SNX29: variants seen among roughly 807,000 people sequenced by gnomAD.
SNX29 encodes the protein sorting nexin 29, also known as sorting nexin-29.
A neutral mutation model predicts 102.1 loss-of-function variants in SNX29; 78 were observed. The observed-to-expected ratio is 0.76, with a 90% CI of 0.64 to 0.92. SNX29 has a LOEUF of 0.92. Ranked by LOEUF, SNX29 falls within the 40% of genes least tolerant of loss-of-function variation. The probability of loss-of-function intolerance (pLI) is 0.00; values close to 1 mark genes in which losing one functional copy is unlikely to be tolerated. For synonymous variants in SNX29, 580 were observed against 414.5 expected, an observed-to-expected ratio of 1.40 and a Z score of -4.85; for missense variants, 1,280 against 1,061.7, an observed-to-expected ratio of 1.21 and a Z score of -2.86.
intron 19 of SNX29, among the ~76,000 whole-genome samples, chr16:12,520,995 T>C (rs1191876715): frequency 6.6e-6 from 1 of 151,932 alleles, no homozygotes; most frequent in Admixed American, 6.6e-5. Flanking sequence ...AGTCAGGAGT[T>C]CGAGAACAGT....
At chr16:12,101,185 C>T (rs1309737485) in intron 11 of SNX29, among the ~76,000 whole-genome samples, 1 of 152,078 alleles carries the variant, frequency 6.6e-6, no homozygotes, top group African/African-American at 2.4e-5. Context: ...CGTGCGCATC[C>T]TGAGCATCCT....
intron 14 of SNX29, 44 bp from the exon 15 acceptor site, chr16:12,277,889 C>T (rs760601865): frequency 1.1e-4 from 174 of 1,516,366 alleles, no homozygotes; most frequent in Non-Finnish European, 1.5e-4. Context: ...GAATAATTTT[C>T]GATACTGTTG....
chr16:12,091,775 C>CAAAAAA (rs71408236), intron 11 of SNX29, among the ~76,000 whole-genome samples: 1 of 93,960 alleles, frequency 1.1e-5, no homozygotes, highest in Admixed American at 1.2e-4. Context: ...AGATCCTTCT[C>CAAAAAA]AAAAAAAAAA....
chr16:12,457,580 G>A (rs978253903), intron 18 of SNX29, among the ~76,000 whole-genome samples: 2 of 152,180 alleles, frequency 1.3e-5, no homozygotes, highest in African/African-American at 2.4e-5. Flanking sequence ...AAAGACAAAG[G>A]TTCAAATCAC....
chr16:12,466,068 G>T (rs1015322332), intron 18 of SNX29, among the ~76,000 whole-genome samples: 1 of 152,140 alleles, frequency 6.6e-6, no homozygotes, highest in African/African-American at 2.4e-5. Context: ...GAAAGCGTTT[G>T]CTCTAGGATG....
chr16:12,409,992 T>A (rs2084331085), intron 18 of SNX29, among the ~76,000 whole-genome samples: 1 of 152,028 alleles, frequency 6.6e-6, no homozygotes, highest in South Asian at 2.1e-4. Flanking sequence ...TTTTTGTTGT[T>A]GTTTTGTTTT....
chr16:12,400,448 C>T (rs11640793), intron 17 of SNX29, among the ~76,000 whole-genome samples: 26,019 of 152,210 alleles, frequency 0.17, 2,492 homozygotes, highest in Middle Eastern at 0.24. Flanking sequence ...GAAATTGAGC[C>T]GGGTTTCAAA....
intron 15 of SNX29, among the ~76,000 whole-genome samples, chr16:12,278,954 C>G (rs1031084193): frequency 3.3e-5 from 5 of 151,858 alleles, no homozygotes; most frequent in African/African-American, 9.7e-5. Flanking sequence ...TTATTGATAC[C>G]TGATTAAAAA....
At position 12,572,314 on chromosome 16, in the gene SNX29, A is replaced by T. The variant is rs1026597512; in HGVS notation, c.*3685A>T. The T allele has an allele frequency of 2.8e-6, 3 of 1,062,450 alleles. No homozygotes were observed. Among genetic ancestry groups the T allele is most frequent in the South Asian group, 4.6e-5 (1 of 21,964 alleles). 65.8% of individuals were successfully genotyped at this position (1,062,450 alleles called of 1,614,324 possible). ...GGCCAGTGATCACAATCCAGGTTGG[A>T]AACAGGAGTGAAGCCCACCAGCCTG... is the stretch of plus-strand genomic sequence containing the variant. On this transcript the variant is annotated 3_prime_UTR_variant, in exon 21 of 21. Coordinates refer to ENST00000566228, the MANE Select transcript of SNX29 (RefSeq NM_032167.5).
intron 19 of SNX29, among the ~76,000 whole-genome samples, chr16:12,520,864 C>G (rs548841728): frequency 9.2e-5 from 14 of 152,188 alleles, no homozygotes; most frequent in Admixed American, 5.2e-4. Context: ...GCACACTGCT[C>G]AGGTGAAGGG....
intron 20 of SNX29, among the ~76,000 whole-genome samples, chr16:12,563,186 C>T (rs1293872944): frequency 5.4e-5 from 6 of 111,294 alleles, no homozygotes; most frequent in African/African-American, 1.9e-4. Flanking sequence ...GATGTCACTT[C>T]CCACAGTCAA....
Position 12,182,710 on chromosome 16 carries a change from A to C in SNX29, c.1596-16891A>C, listed in dbSNP as rs978928551. Among the ~76,000 whole-genome samples, 11 of 152,170 alleles carry C rather than the reference A, an allele frequency of 7.2e-5. No individual in the cohort carries two copies. The South Asian group carries it at 1.7e-3, about 23-fold the overall frequency. On this transcript the variant is annotated intron_variant, in intron 13 of 20. Coordinates refer to ENST00000566228, the MANE Select transcript of SNX29 (RefSeq NM_032167.5). ...TTTGGGACGCTGAGGCGGGTGGATCACTTGAGGTCAGGAGTTCGAGACCAG... is the reference window on the plus strand; with the variant it reads ...TTTGGGACGCTGAGGCGGGTGGATCCCTTGAGGTCAGGAGTTCGAGACCAG...
chr16:12,521,983 A>C (rs1464334991), intron 19 of SNX29, among the ~76,000 whole-genome samples: 1 of 152,144 alleles, frequency 6.6e-6, no homozygotes, highest in Admixed American at 6.5e-5. Context: ...CCTCTGGAGG[A>C]AGGTCCCCCA....
At chr16:12,524,576 C>T (rs953091670) in intron 19 of SNX29, 126 bp from the exon 20 acceptor site, 17 of 1,074,510 alleles carry the variant, frequency 1.6e-5, no homozygotes, top group African/African-American at 5.0e-5. Flanking sequence ...ACCATTCATA[C>T]GAGATAGTTG....
At chr16:12,501,683 C>A (rs758561378) in intron 19 of SNX29, among the ~76,000 whole-genome samples, 31 of 133,658 alleles carry the variant, frequency 2.3e-4, no homozygotes, top group Non-Finnish European at 3.5e-4. Context: ...GATCACACCA[C>A]TGTACTACTC....
chr16:12,544,736 C>T (rs918452153), intron 20 of SNX29, among the ~76,000 whole-genome samples: 1 of 152,160 alleles, frequency 6.6e-6, no homozygotes, highest in Non-Finnish European at 1.5e-5. Flanking sequence ...AACCTCGGCC[C>T]AGAGAGGTGA....
At chr16:12,494,167 G>A (rs2088692249) in intron 19 of SNX29, among the ~76,000 whole-genome samples, 2 of 152,136 alleles carry the variant, frequency 1.3e-5, no homozygotes, top group South Asian at 2.1e-4. Context: ...GGGCAAGACA[G>A]TGAGTTCCTG....
chr16:12,548,666 G>T (rs985238233), intron 20 of SNX29, among the ~76,000 whole-genome samples: 1 of 152,224 alleles, frequency 6.6e-6, no homozygotes, highest in South Asian at 2.1e-4. Flanking sequence ...AACTCAGCAA[G>T]AAGTGAAGTT....
chr16:12,341,114 A>T (rs2081599194), intron 15 of SNX29, among the ~76,000 whole-genome samples: 1 of 152,212 alleles, frequency 6.6e-6, no homozygotes, highest in South Asian at 2.1e-4. Context: ...TATGGTTACT[A>T]TTATTATTGG....
Sources: allele counts gnomAD v4.1 joint callset (sites outside exome capture counted in the v4.1 genomes callset), GRCh38; gene constraint gnomAD v4.1.1; transcripts MANE v1.5; gene names NCBI Gene and HGNC (gene_info 2026-07-23, HGNC 2026-07-21).